The following GUCY1A2 variants were observed in gnomAD, a reference collection of about 807,000 sequenced individuals.
GUCY1A2 encodes the protein guanylate cyclase 1 soluble subunit alpha 2.
GUCY1A2 carries 27 observed loss-of-function variants against 63.5 expected under a neutral mutation model. The ratio of observed to expected loss-of-function variants is 0.43; its 90% CI spans 0.31 to 0.59. The LOEUF (loss-of-function observed/expected upper bound fraction) is 0.59, where lower values mean the gene tolerates loss of function less well. GUCY1A2 is among the 20% of genes least tolerant of loss of function. The pLI, the probability that GUCY1A2 is intolerant of heterozygous loss-of-function variation, is 0.11. For missense variants in GUCY1A2, 768 were observed against 913.3 expected, an observed-to-expected ratio of 0.84 and a Z score of 2.05; for synonymous variants, 364 against 343.5, an observed-to-expected ratio of 1.06 and a Z score of -0.66.
At chr11:106,927,032 A>C (rs1860533728) in intron 4 of GUCY1A2, among the ~76,000 whole-genome samples, 1 of 151,336 alleles carries the variant, frequency 6.6e-6, no homozygotes, top group Non-Finnish European at 1.5e-5. Context: ...ACAAAAAAAA[A>C]ATTAACAGGG....
In GUCY1A2 at chr11:106,757,507, A is replaced by C. The variant is rs1476420614; in HGVS notation, c.1836+18932T>G. On this transcript the variant is annotated intron_variant, in intron 6 of 7. Transcript: ENST00000526355. ...GTGGATTTATCTACCTTGGTCTTTG[A>C]TATTGGTGACTATGGATGGGGTTTT... Among the ~76,000 whole-genome samples the C allele has an allele frequency of 2.6e-5, 4 of 151,918 alleles. No homozygotes were observed. In the East Asian group the frequency reaches 7.7e-4, roughly 29 times the overall value.
chr11:106,875,623 G>A (rs118061650), intron 4 of GUCY1A2, among the ~76,000 whole-genome samples: 1,944 of 151,996 alleles, frequency 0.013, 25 homozygotes, highest in South Asian at 0.048. Context: ...ATCCACCTCA[G>A]TAGAGAGTGG....
At chr11:106,993,295 C>A (rs1017268771) in intron 1 of GUCY1A2, among the ~76,000 whole-genome samples, 1 of 152,194 alleles carries the variant, frequency 6.6e-6, no homozygotes, top group Non-Finnish European at 1.5e-5. Context: ...AATTCCACAA[C>A]TTAATCAGAA....
At chr11:106,733,139 T>G (rs2135372928) in intron 6 of GUCY1A2, among the ~76,000 whole-genome samples, 1 of 152,302 alleles carries the variant, frequency 6.6e-6, no homozygotes, top group Admixed American at 6.5e-5. Context: ...CAAAAGGACA[T>G]GTTATGTATC....
chr11:106,828,230 T>G (rs1859001453), intron 4 of GUCY1A2, among the ~76,000 whole-genome samples: 1 of 152,196 alleles, frequency 6.6e-6, no homozygotes, highest in African/African-American at 2.4e-5. Flanking sequence ...TTTGGTTTTG[T>G]TGCATTTGCT....
chr11:106,826,065 G>A (rs1383353972), intron 4 of GUCY1A2, among the ~76,000 whole-genome samples: 1 of 152,252 alleles, frequency 6.6e-6, no homozygotes, highest in East Asian at 1.9e-4. Flanking sequence ...ATCTACTAGA[G>A]TACATTTGGC....
intron 6 of GUCY1A2, among the ~76,000 whole-genome samples, chr11:106,747,268 G>T (rs1256243765): frequency 6.6e-6 from 1 of 151,608 alleles, no homozygotes; most frequent in African/African-American, 2.4e-5. Context: ...GATTACAGGC[G>T]TAAGCCACCG....
At chr11:106,963,203 A>C (rs1861082516) in intron 3 of GUCY1A2, among the ~76,000 whole-genome samples, 1 of 152,184 alleles carries the variant, frequency 6.6e-6, no homozygotes, top group African/African-American at 2.4e-5. Flanking sequence ...AATGTCAGGG[A>C]AGCAATAAAA....
At chr11:106,848,318 G>T (rs1031841807) in intron 4 of GUCY1A2, among the ~76,000 whole-genome samples, 1 of 151,518 alleles carries the variant, frequency 6.6e-6, no homozygotes, top group African/African-American at 2.4e-5. Context: ...TGAAATAATT[G>T]ATTTTTCAGA....
At chr11:106,992,390 T>C (rs1042315771) in intron 1 of GUCY1A2, among the ~76,000 whole-genome samples, 14 of 147,298 alleles carry the variant, frequency 9.5e-5, no homozygotes, top group African/African-American at 3.5e-4. Flanking sequence ...AGTGCAGTGG[T>C]GAGATCTCAG....
intron 6 of GUCY1A2, among the ~76,000 whole-genome samples, chr11:106,740,527 T>C (rs112991545): frequency 7.9e-4 from 120 of 152,300 alleles, no homozygotes; most frequent in African/African-American, 2.7e-3. Flanking sequence ...CTTGAAATGC[T>C]AACACCATTG....
chr11:106,991,102 A>T (rs923435846), intron 1 of GUCY1A2, among the ~76,000 whole-genome samples: 1 of 151,054 alleles, frequency 6.6e-6, no homozygotes, highest in Non-Finnish European at 1.5e-5. Context: ...CAGTTCTAAT[A>T]CCTCAGCCTA....
At position 106,674,298 on chromosome 11, in the gene GUCY1A2, A is replaced by G. The variant is rs868627401; in HGVS notation, c.*13251T>C. ...GAATGATTTCGAATAATAACAAATA[A>G]AAGAATGAGTAAAAAGTGGTGTTAC... On this transcript the variant is annotated 3_prime_UTR_variant, in exon 8 of 8. Transcript: ENST00000526355. 83 of 181,106 alleles carry G rather than the reference A, an allele frequency of 4.6e-4. No homozygotes were observed. The highest frequency in any genetic ancestry group is 1.9e-3 in the African/African-American group (81 of 42,618). The allele number at this position is 181,106 out of a possible 1,614,324, so 11.2% of individuals were successfully genotyped here. A position where few individuals can be genotyped will look rare whatever the true frequency, so the allele number is the denominator to read the frequency against.
chr11:107,007,759 G>T (rs1367043343), intron 1 of GUCY1A2, among the ~76,000 whole-genome samples: 1 of 152,094 alleles, frequency 6.6e-6, no homozygotes, highest in Non-Finnish European at 1.5e-5. Flanking sequence ...AATGATTATT[G>T]TAAGATAGAT....
chr11:106,944,212 CTCCA>C (rs1422544590), intron 3 of GUCY1A2, among the ~76,000 whole-genome samples: 1 of 15,136 alleles, frequency 6.6e-5, no homozygotes, highest in African/African-American at 7.8e-4. Flanking sequence ...GAGACCCTGT[CTCCA>C]AAAAAAAAAA....
intron 4 of GUCY1A2, among the ~76,000 whole-genome samples, chr11:106,925,523 A>G (rs969712123): frequency 5.9e-5 from 9 of 152,250 alleles, no homozygotes; most frequent in Non-Finnish European, 1.3e-4. Context: ...TAGTAGAAAC[A>G]TAAGTGGAAT....
intron 1 of GUCY1A2, among the ~76,000 whole-genome samples, chr11:107,000,261 A>G (rs1434872260): frequency 6.6e-6 from 1 of 152,248 alleles, no homozygotes; most frequent in Non-Finnish European, 1.5e-5. Context: ...TGTCAGGTCC[A>G]CAAAGCATTT....
intron 7 of GUCY1A2, among the ~76,000 whole-genome samples, chr11:106,703,764 TGATTACTTACTAATTA>T (rs1176732041): frequency 6.6e-6 from 1 of 151,990 alleles, no homozygotes; most frequent in African/African-American, 2.4e-5. Context: ...CACATATATA[TGATTACTTACTAATTA>T]GATTAATTAT....
intron 6 of GUCY1A2, 99 bp from the exon 7 acceptor site, chr11:106,708,765 A>T (rs80246825): frequency 0.02 from 13,986 of 716,636 alleles, 165 homozygotes; most frequent in Middle Eastern, 0.059. Context: ...ATAATAATAA[A>T]AAAAAACTAT....
Sources: gnomAD v4.1 joint callset for allele counts (sites outside exome capture counted in the v4.1 genomes callset) on GRCh38, gnomAD v4.1.1 for gene constraint, MANE v1.5 for transcripts, NCBI Gene and HGNC (gene_info 2026-07-23, HGNC 2026-07-21) for gene names.